Variants in MGMT observed in about 807,000 individuals in gnomAD.
MGMT encodes methylated-DNA--protein-cysteine methyltransferase.
A neutral mutation model predicts 15.9 loss-of-function variants in MGMT; 14 were observed. The observed-to-expected ratio is 0.88, with a 90% CI of 0.58 to 1.37. The LOEUF (loss-of-function observed/expected upper bound fraction) is 1.37. Ranked by LOEUF, MGMT falls within the 40% of genes most tolerant of loss-of-function variation. The pLI, the probability that MGMT is intolerant of heterozygous loss-of-function variation, is 0.00. For synonymous variants in MGMT, 130 were observed against 118.2 expected, an observed-to-expected ratio of 1.10 and a Z score of -0.65; for missense variants, 282 against 268.1, an observed-to-expected ratio of 1.05 and a Z score of -0.36.
At chr10:129,680,561 C>G (rs192212445) in intron 2 of MGMT, among the ~76,000 whole-genome samples, 1 of 129,862 alleles carries the variant, frequency 7.7e-6, no homozygotes, top group South Asian at 2.4e-4. Context: ...CTTATCCACC[C>G]ACCACTCCTT....
At chr10:129,749,416 C>A (rs1398441924) in intron 3 of MGMT, among the ~76,000 whole-genome samples, 2 of 152,238 alleles carry the variant, frequency 1.3e-5, no homozygotes, top group East Asian at 3.9e-4. Flanking sequence ...GCTTCCTTTG[C>A]TTAGCAATAT....
intron 2 of MGMT, among the ~76,000 whole-genome samples, chr10:129,704,615 G>A (rs1052139801): frequency 1.3e-5 from 2 of 152,056 alleles, no homozygotes; most frequent in South Asian, 2.1e-4. Context: ...ACAGTTATCC[G>A]TGGCTGTCGG....
At chr10:129,706,101 C>T (rs1310879714) in intron 2 of MGMT, among the ~76,000 whole-genome samples, 1 of 152,246 alleles carries the variant, frequency 6.6e-6, no homozygotes, top group African/African-American at 2.4e-5. Flanking sequence ...CCACCAGTCA[C>T]ACTGTGGGCC....
At chr10:129,677,916 C>G (rs577841272) in intron 2 of MGMT, among the ~76,000 whole-genome samples, 32 of 152,162 alleles carry the variant, frequency 2.1e-4, no homozygotes, top group Non-Finnish European at 4.1e-4. Context: ...ATAAGAGGAG[C>G]GGTGATAAGT....
At chr10:129,606,177 T>TA (rs1412479529) in intron 2 of MGMT, among the ~76,000 whole-genome samples, 10 of 152,340 alleles carry the variant, frequency 6.6e-5, no homozygotes, top group South Asian at 4.1e-4. Context: ...TGCTAGGTAC[T>TA]AATGCAAGTT....
chr10:129,733,304 G>T (rs1474414552), intron 3 of MGMT, among the ~76,000 whole-genome samples: 1 of 151,706 alleles, frequency 6.6e-6, no homozygotes, highest in African/African-American at 2.4e-5. Flanking sequence ...TTCTCTGATG[G>T]CCAGTGATGG....
intron 1 of MGMT, among the ~76,000 whole-genome samples, chr10:129,490,287 T>C (rs1229197010): frequency 6.6e-6 from 1 of 152,164 alleles, no homozygotes; most frequent in Non-Finnish European, 1.5e-5. Flanking sequence ...TTTAACTGTT[T>C]ATGTGGTTCC....
chr10:129,555,219 C>T (rs905683079), intron 2 of MGMT, among the ~76,000 whole-genome samples: 4 of 152,180 alleles, frequency 2.6e-5, no homozygotes, highest in South Asian at 2.1e-4. Context: ...GTCTTTGAGC[C>T]GGGAGCCCTC....
intron 1 of MGMT, among the ~76,000 whole-genome samples, chr10:129,510,900 C>T (rs573423613): frequency 1.1e-4 from 16 of 147,286 alleles, no homozygotes; most frequent in African/African-American, 2.5e-4. Context: ...ATGGGAACCC[C>T]GTATACCAGA....
intron 1 of MGMT, among the ~76,000 whole-genome samples, chr10:129,481,900 C>A (rs1845362169): frequency 6.6e-6 from 1 of 152,060 alleles, no homozygotes; most frequent in Non-Finnish European, 1.5e-5. Flanking sequence ...CTTGATTTTT[C>A]TCTCTTACTG....
intron 3 of MGMT, among the ~76,000 whole-genome samples, chr10:129,729,970 G>A (rs554757414): frequency 1.3e-4 from 20 of 152,242 alleles, no homozygotes; most frequent in Admixed American, 5.9e-4. Flanking sequence ...TCTGCTGGGC[G>A]TGGACAGTGG....
intron 1 of MGMT, among the ~76,000 whole-genome samples, chr10:129,485,664 A>C (rs555435436): frequency 6.6e-6 from 1 of 152,324 alleles, no homozygotes; most frequent in Non-Finnish European, 1.5e-5. Context: ...ATCCAGAAAA[A>C]TCTAAAACCT....
intron 3 of MGMT, among the ~76,000 whole-genome samples, chr10:129,731,382 C>A (rs1848495874): frequency 1.3e-5 from 1 of 74,938 alleles, no homozygotes; most frequent in Non-Finnish European, 2.4e-5. Flanking sequence ...TTTTTTTTTG[C>A]GACGGAGTCT....
chr10:129,655,192 C>G lies in MGMT; in HGVS notation c.126-52703C>G, dbSNP rs112834114. Among the ~76,000 whole-genome samples, 1,089 of 152,276 alleles carry G rather than the reference C, an allele frequency of 7.2e-3. 9 individuals are homozygous for G. Among genetic ancestry groups the G allele is most frequent in the African/African-American group, 0.025 (1,033 of 41,556 alleles). ...GGGGTGGGACACAGTCCCGTGGGGGCCCCGCGGAGGGCCTGGGCAGATGCA... is the reference window on the plus strand; with the variant it reads ...GGGGTGGGACACAGTCCCGTGGGGGGCCCGCGGAGGGCCTGGGCAGATGCA... On this transcript the variant is annotated intron_variant, in intron 2 of 4. Coordinates refer to ENST00000651593, the MANE Select transcript of MGMT (RefSeq NM_002412.5).
At chr10:129,545,454 A>G (rs1300357235) in intron 2 of MGMT, among the ~76,000 whole-genome samples, 6 of 152,220 alleles carry the variant, frequency 3.9e-5, no homozygotes, top group Non-Finnish European at 8.8e-5. Context: ...TACTGTACAC[A>G]TGAGTCATTG....
At chr10:129,500,515 A>G (rs1030198054) in intron 1 of MGMT, among the ~76,000 whole-genome samples, 2 of 152,054 alleles carry the variant, frequency 1.3e-5, no homozygotes, top group Non-Finnish European at 1.5e-5. Context: ...ATCTCTCTTC[A>G]TGGGTTATTG....
At chr10:129,702,662 C>G (rs1298316179) in intron 2 of MGMT, among the ~76,000 whole-genome samples, 1 of 152,132 alleles carries the variant, frequency 6.6e-6, no homozygotes, top group South Asian at 2.1e-4. Flanking sequence ...TGCACTGGCT[C>G]CTGCTGGCAT....
chr10:129,595,429 C>T (rs957080027), intron 2 of MGMT, among the ~76,000 whole-genome samples: 3 of 152,162 alleles, frequency 2.0e-5, no homozygotes, highest in African/African-American at 7.2e-5. Context: ...GGTGACCTGG[C>T]GTCCATCCTG....
intron 2 of MGMT, among the ~76,000 whole-genome samples, chr10:129,685,482 C>CA (rs1173391913): frequency 1.3e-5 from 2 of 152,176 alleles, no homozygotes; most frequent in Admixed American, 6.5e-5. Context: ...CTCGACCCTC[C>CA]ACCTCCCCGA....
Sources: allele counts gnomAD v4.1 joint callset (sites outside exome capture counted in the v4.1 genomes callset), GRCh38; gene constraint gnomAD v4.1.1; transcripts MANE v1.5; gene names NCBI Gene and HGNC (gene_info 2026-07-23, HGNC 2026-07-21).